PTPRT: variants seen among roughly 807,000 people sequenced by gnomAD.
The protein encoded by PTPRT is protein tyrosine phosphatase receptor type T, also known as receptor-type tyrosine-protein phosphatase T.
A neutral mutation model predicts 176.8 loss-of-function variants in PTPRT; 56 were observed. The ratio of observed to expected loss-of-function variants is 0.32; its 90% confidence interval spans 0.26 to 0.40. PTPRT has a LOEUF of 0.40. Ranked by LOEUF, PTPRT falls within the 10% of genes least tolerant of loss-of-function variation. The pLI, the probability that PTPRT is intolerant of heterozygous loss-of-function variation, is 1.00. For synonymous variants in PTPRT, 783 were observed against 739.0 expected (o/e 1.06, Z -0.96); for missense variants, 1,540 against 1,908.2 (o/e 0.81, Z 3.60).
chr20:42,704,620 T>C (rs2076023875), intron 6 of PTPRT, among the ~76,000 whole-genome samples: 1 of 152,138 alleles, frequency 6.6e-6, no homozygotes, highest in Admixed American at 6.5e-5. Flanking sequence ...TCTGATCCTC[T>C]GACAGAACTA....
At chr20:42,829,415 G>A (rs988179240) in intron 2 of PTPRT, among the ~76,000 whole-genome samples, 9 of 152,154 alleles carry the variant, frequency 5.9e-5, no homozygotes, top group Admixed American at 5.9e-4. Context: ...AATGAGATAA[G>A]ACTTTGGGGG....
intron 27 of PTPRT, among the ~76,000 whole-genome samples, chr20:42,089,467 T>A (rs1236298465): frequency 6.6e-6 from 1 of 152,168 alleles, no homozygotes; most frequent in Non-Finnish European, 1.5e-5. Context: ...CTGGAGAGAA[T>A]GTGGAATGAT....
intron 1 of PTPRT, among the ~76,000 whole-genome samples, chr20:43,043,747 C>A (rs988536533): frequency 5.3e-5 from 8 of 152,164 alleles, no homozygotes; most frequent in Admixed American, 2.0e-4. Context: ...GTCCAGCCTT[C>A]CTATTTAACA....
intron 16 of PTPRT, among the ~76,000 whole-genome samples, chr20:42,181,365 T>C (rs1990517284): frequency 6.6e-6 from 1 of 152,016 alleles, no homozygotes. Context: ...CACTGAGTGG[T>C]AGAGAGTCCA....
intron 27 of PTPRT, among the ~76,000 whole-genome samples, chr20:42,092,517 A>G (rs1448835717): frequency 6.6e-6 from 1 of 152,242 alleles, no homozygotes; most frequent in African/African-American, 2.4e-5. Flanking sequence ...CACAGTGAGT[A>G]AGTACCAAGG....
At chr20:42,888,416 G>A (rs1425464301) in intron 1 of PTPRT, among the ~76,000 whole-genome samples, 2 of 152,124 alleles carry the variant, frequency 1.3e-5, no homozygotes, top group East Asian at 1.9e-4. Context: ...ATTCGACACC[G>A]ATTACATATA....
chr20:42,667,736 G>A (rs1343302753), intron 7 of PTPRT, among the ~76,000 whole-genome samples: 1 of 152,284 alleles, frequency 6.6e-6, no homozygotes, highest in Non-Finnish European at 1.5e-5. Context: ...AGATCTGGTA[G>A]AAAGAAAAGT....
intron 9 of PTPRT, among the ~76,000 whole-genome samples, chr20:42,406,071 G>A (rs1235404301): frequency 6.6e-6 from 1 of 151,902 alleles, no homozygotes; most frequent in Admixed American, 6.6e-5. Context: ...AAAACACGTG[G>A]AGGCAGCTAG....
At chr20:42,188,796 T>C (rs1268019836) in intron 16 of PTPRT, among the ~76,000 whole-genome samples, 2 of 152,198 alleles carry the variant, frequency 1.3e-5, no homozygotes, top group Non-Finnish European at 2.9e-5. Flanking sequence ...CTTCTCAAGA[T>C]GTAGTGGCCT....
intron 6 of PTPRT, among the ~76,000 whole-genome samples, chr20:42,754,349 C>T (rs1028606453): frequency 6.6e-6 from 1 of 152,138 alleles, no homozygotes; most frequent in Non-Finnish European, 1.5e-5. Flanking sequence ...CCACACCCAG[C>T]TATTTTTTGT....
At chr20:43,019,822 C>T (rs543644495) in intron 1 of PTPRT, among the ~76,000 whole-genome samples, 2 of 151,896 alleles carry the variant, frequency 1.3e-5, no homozygotes, top group Admixed American at 6.6e-5. Context: ...GAGCCAGGAG[C>T]GTTTCTTCTC....
intron 2 of PTPRT, among the ~76,000 whole-genome samples, chr20:42,792,191 T>A (rs574215159): frequency 1.3e-5 from 2 of 152,306 alleles, no homozygotes; most frequent in South Asian, 2.1e-4. Context: ...CCCCTGCAGC[T>A]GGAATCACAG....
At chr20:42,484,007 A>G (rs2071428467) in intron 7 of PTPRT, among the ~76,000 whole-genome samples, 1 of 152,174 alleles carries the variant, frequency 6.6e-6, no homozygotes, top group Non-Finnish European at 1.5e-5. Context: ...CCCAACACTT[A>G]CAGAGCCAGC....
chr20:43,093,121 G>C (rs1168989679), intron 1 of PTPRT, among the ~76,000 whole-genome samples: 2 of 152,194 alleles, frequency 1.3e-5, no homozygotes, highest in African/African-American at 4.8e-5. Flanking sequence ...TAACAAGCAT[G>C]TATTATTTAC....
chr20:42,771,668 T>C (rs2077064966), intron 4 of PTPRT, 118 bp from the exon 5 acceptor site: 3 of 758,430 alleles, frequency 4.0e-6, no homozygotes, highest in Non-Finnish European at 6.9e-6. Context: ...ACTTAAGAAG[T>C]AGCCCGGCTC....
chr20:42,679,210 T>C (rs1954828818), intron 6 of PTPRT, among the ~76,000 whole-genome samples: 1 of 152,152 alleles, frequency 6.6e-6, no homozygotes, highest in Admixed American at 6.5e-5. Flanking sequence ...AAATTAACAC[T>C]TACCTTGTAC....
intron 7 of PTPRT, among the ~76,000 whole-genome samples, chr20:42,631,866 A>G (rs1328151567): frequency 2.0e-5 from 3 of 152,206 alleles, no homozygotes; most frequent in Non-Finnish European, 4.4e-5. Context: ...CCCCTTGACC[A>G]TCCTGGGAGA....
intron 2 of PTPRT, among the ~76,000 whole-genome samples, chr20:42,810,007 T>C (rs983469582): frequency 2.0e-5 from 3 of 151,908 alleles, no homozygotes; most frequent in Non-Finnish European, 4.4e-5. Flanking sequence ...TAAAATAGAG[T>C]AGGGGCCGGG....
chr20:42,587,565 G>A (rs1017136278), intron 7 of PTPRT, among the ~76,000 whole-genome samples: 10 of 152,156 alleles, frequency 6.6e-5, no homozygotes, highest in African/African-American at 2.2e-4. Context: ...ACTGCAACCC[G>A]ACCCTCAGAC....
Sources: allele counts gnomAD v4.1 joint callset (sites outside exome capture counted in the v4.1 genomes callset), GRCh38; gene constraint gnomAD v4.1.1; transcripts MANE v1.5; gene names NCBI Gene and HGNC (gene_info 2026-07-23, HGNC 2026-07-21).